Variants in CHMP3 observed in about 807,000 individuals in gnomAD.
The protein encoded by CHMP3 is charged multivesicular body protein 3, also known as 25.1 protein.
CHMP3 carries 8 observed loss-of-function variants against 27.4 expected under a neutral mutation model. The ratio of observed to expected loss-of-function variants is 0.29; its 90% CI spans 0.17 to 0.53. The LOEUF is 0.53. Among genes scored for constraint, CHMP3 ranks in the 20% least tolerant of loss-of-function variants. The pLI, the probability that CHMP3 is intolerant of heterozygous loss-of-function variation, is 0.96. For missense variants in CHMP3, 208 were observed against 271.5 expected, an observed-to-expected ratio of 0.77 and a Z score of 1.64; for synonymous variants, 86 against 85.5, an observed-to-expected ratio of 1.01 and a Z score of -0.03.
At chr2:86,536,030 C>A (rs1043701837) in intron 2 of CHMP3, among the ~76,000 whole-genome samples, 7 of 128,386 alleles carry the variant, frequency 5.5e-5, no homozygotes, top group South Asian at 2.5e-4. Context: ...GAGTCTCGCT[C>A]TGTCGCCCAG....
At chr2:86,511,074 A>T (rs917939369) in intron 3 of CHMP3, 10 of 152,262 alleles carry the variant, frequency 6.6e-5, no homozygotes, top group Non-Finnish European at 2.9e-5. Flanking sequence ...CGGTAGTATC[A>T]AAAGATCATT....
chr2:86,540,123 T>G (rs1676305831), intron 2 of CHMP3, among the ~76,000 whole-genome samples: 1 of 152,098 alleles, frequency 6.6e-6, no homozygotes, highest in Admixed American at 6.5e-5. Context: ...ATCTTTTCGG[T>G]TTTCAGTAAT....
chr2:86,532,822 G>A (rs1411870876), intron 2 of CHMP3, among the ~76,000 whole-genome samples: 2 of 152,130 alleles, frequency 1.3e-5, no homozygotes, highest in Admixed American at 6.5e-5. Context: ...ATGTGTTGCT[G>A]GATTTGGTTT....
chr2:86,528,501 C>G (rs1675798330), intron 3 of CHMP3, among the ~76,000 whole-genome samples: 2 of 152,196 alleles, frequency 1.3e-5, no homozygotes, highest in African/African-American at 4.8e-5. Flanking sequence ...CCATGCCTGG[C>G]TCTCCATGAT....
chr2:86,552,329 T>C (rs1173644769), intron 1 of CHMP3, among the ~76,000 whole-genome samples: 2 of 152,182 alleles, frequency 1.3e-5, no homozygotes, highest in Non-Finnish European at 2.9e-5. Flanking sequence ...TAAGCACTTA[T>C]CCTGCATTTT....
intron 2 of CHMP3, among the ~76,000 whole-genome samples, chr2:86,537,551 GT>G (rs1676196857): frequency 6.6e-6 from 1 of 152,136 alleles, no homozygotes; most frequent in African/African-American, 2.4e-5. Context: ...TGATTTTACT[GT>G]TGTTGAAAAC....
intron 2 of CHMP3, among the ~76,000 whole-genome samples, 181 bp from the exon 3 acceptor site, chr2:86,529,578 A>G (rs1675834815): frequency 6.6e-6 from 1 of 152,224 alleles, no homozygotes; most frequent in Admixed American, 6.5e-5. Flanking sequence ...AGTTTAAAAG[A>G]AAAGTACGAT....
chr2:86,533,980 G>A (rs1437314090), intron 2 of CHMP3, among the ~76,000 whole-genome samples: 1 of 152,042 alleles, frequency 6.6e-6, no homozygotes. Flanking sequence ...CCATACATCT[G>A]TGAATTTTCC....
At position 86,505,364 on chromosome 2, in the gene CHMP3, C is replaced by A; in HGVS notation, c.*440G>T. 1 of 153,238 alleles carries A rather than the reference C, an allele frequency of 6.5e-6. No homozygotes were observed. Among genetic ancestry groups the A allele is most frequent in the Non-Finnish European group, 1.5e-5 (1 of 68,684 alleles). The allele number at this position is 153,238 out of a possible 1,614,324, so 9.5% of individuals were successfully genotyped here. A position where few individuals can be genotyped will look rare whatever the true frequency, so the allele number is the denominator to read the frequency against. On this transcript the variant is annotated 3_prime_UTR_variant, in exon 6 of 6. Coordinates refer to ENST00000263856, the MANE Select transcript of CHMP3 (RefSeq NM_016079.4). ...TCCCATATGCCTGGCCATAGCAACT[C>A]TTTCCACACCCAGCAAATGAAGCAA...
intron 2 of CHMP3, among the ~76,000 whole-genome samples, chr2:86,539,089 C>A (rs7596717): frequency 0.61 from 92,190 of 151,960 alleles, 28,242 homozygotes; most frequent in East Asian, 0.75. Flanking sequence ...TCATTTTTAC[C>A]CTAGTATTTC....
intron 1 of CHMP3, among the ~76,000 whole-genome samples, chr2:86,557,139 CCTT>C (rs1439722365): frequency 6.6e-6 from 1 of 152,194 alleles, no homozygotes; most frequent in Non-Finnish European, 1.5e-5. Context: ...AGCTCTGGCT[CCTT>C]CTCCTCCACT....
intron 1 of CHMP3, among the ~76,000 whole-genome samples, chr2:86,551,046 A>C (rs1676887161): frequency 6.6e-6 from 1 of 152,188 alleles, no homozygotes; most frequent in Non-Finnish European, 1.5e-5. Context: ...TTTCTGAATG[A>C]TATTGTCTTC....
intron 1 of CHMP3, among the ~76,000 whole-genome samples, chr2:86,553,528 C>T (rs1190745998): frequency 6.6e-6 from 1 of 152,110 alleles, no homozygotes; most frequent in Non-Finnish European, 1.5e-5. Context: ...GATGGGGTTT[C>T]GCCATGTTGG....
intron 3 of CHMP3, among the ~76,000 whole-genome samples, chr2:86,526,368 C>T (rs970601729): frequency 6.6e-6 from 1 of 152,112 alleles, no homozygotes; most frequent in Non-Finnish European, 1.5e-5. Flanking sequence ...ATAAAAAAGT[C>T]TGACAATACC....
At chr2:86,511,137 T>TG (rs1378876549) in intron 3 of CHMP3, 3 of 152,190 alleles carry the variant, frequency 2.0e-5, no homozygotes, top group Non-Finnish European at 2.9e-5. Flanking sequence ...CATCTAAACC[T>TG]GTTTTGGAAT....
intron 1 of CHMP3, chr2:86,563,014 G>C (rs910623490): frequency 5.9e-6 from 2 of 341,702 alleles, no homozygotes; most frequent in Non-Finnish European, 1.1e-5. Context: ...AGGGGGAAGA[G>C]GTTTCCGAGG....
At chr2:86,562,433 T>C (rs189294238) in intron 1 of CHMP3, among the ~76,000 whole-genome samples, 5 of 152,346 alleles carry the variant, frequency 3.3e-5, no homozygotes, top group South Asian at 2.1e-4. Flanking sequence ...CCAGGTGATG[T>C]TGATGCTGCT....
At chr2:86,523,058 G>A (rs1675573723) in intron 3 of CHMP3, among the ~76,000 whole-genome samples, 1 of 152,174 alleles carries the variant, frequency 6.6e-6, no homozygotes, top group African/African-American at 2.4e-5. Flanking sequence ...GCTACAGCAC[G>A]TCTTATTTTG....
At chr2:86,530,205 C>A (rs1558651388) in intron 2 of CHMP3, among the ~76,000 whole-genome samples, 1 of 152,114 alleles carries the variant, frequency 6.6e-6, no homozygotes, top group Non-Finnish European at 1.5e-5. Context: ...GTTGGCCAGG[C>A]TGGTCTCGAA....
Sources: gnomAD v4.1 joint callset for allele counts (sites outside exome capture counted in the v4.1 genomes callset) on GRCh38, gnomAD v4.1.1 for gene constraint, MANE v1.5 for transcripts, NCBI Gene and HGNC (gene_info 2026-07-23, HGNC 2026-07-21) for gene names.